The following PLA2G6 variants were observed in gnomAD, a reference collection of about 807,000 sequenced individuals.
PLA2G6 encodes the protein phospholipase A2 group VI.
PLA2G6 carries 62 observed loss-of-function variants against 83.8 expected under a neutral mutation model. The observed-to-expected ratio is 0.74, with a 90% CI of 0.60 to 0.91. PLA2G6 has a LOEUF of 0.91. Among genes scored for constraint, PLA2G6 ranks in the 40% least tolerant of loss-of-function variants. The pLI, the probability that PLA2G6 is intolerant of heterozygous loss-of-function variation, is 0.00. For missense variants in PLA2G6, 944 were observed against 1,102.0 expected, an observed-to-expected ratio of 0.86 and a Z score of 2.03; for synonymous variants, 417 against 449.8, an observed-to-expected ratio of 0.93 and a Z score of 0.92.
rs1406075748 is a variant in PLA2G6 at position 38,143,090 on chromosome 22, C to A, written c.609+15G>T. The stretch of plus-strand genomic sequence containing the variant: ...AGGTATCAGTACCAGTCACCCTGCC[C>A]CTCCCCCTGCTCACCTGCAGCACCT... On this transcript the variant is annotated intron_variant, in intron 4 of 16. Coordinates refer to ENST00000332509, the MANE Select transcript of PLA2G6 (RefSeq NM_003560.4). 1 of 1,613,410 alleles carries A rather than the reference C, an allele frequency of 6.2e-7. No homozygotes were observed. The highest frequency in any genetic ancestry group is 8.5e-7 in the Non-Finnish European group (1 of 1,179,384).
At chr22:38,169,494 G>T (rs1386065156) in intron 1 of PLA2G6, 23 bp from the exon 2 acceptor site, 3 of 1,389,494 alleles carry the variant, frequency 2.2e-6, no homozygotes, top group Non-Finnish European at 2.0e-6. Context: ...GAGGTCTCTG[G>T]TCAGCCAGGC....
intron 2 of PLA2G6, chr22:38,148,735 C>T (rs1255119204): frequency 3.8e-6 from 2 of 531,722 alleles, no homozygotes; most frequent in African/African-American, 2.0e-5. Flanking sequence ...TCACAGAGAC[C>T]ACAGTTCAGC....
chr22:38,132,696 G>T lies in PLA2G6; in HGVS notation c.1077+135C>A. On this transcript the variant is annotated intron_variant, in intron 7 of 16. Coordinates refer to ENST00000332509, the MANE Select transcript of PLA2G6 (RefSeq NM_003560.4). This position sits in a 1 kb window ranked among gnomAD's most constrained non-coding sequence, Gnocchi z 5.0. ...TGAGGGAGGAGTCAGGGTCTGAACT[G>T]AGCTTTGGGTGGGAAGATGATTTGG... 1 of 833,454 alleles carries T rather than the reference G, an allele frequency of 1.2e-6. No homozygotes were observed. Among genetic ancestry groups the T allele is most frequent in the Non-Finnish European group, 1.9e-6 (1 of 528,080 alleles). The allele number at this position is 833,454 out of a possible 1,614,324, so 51.6% of individuals were successfully genotyped here. A position where few individuals can be genotyped will look rare whatever the true frequency, so the allele number is the denominator to read the frequency against.
intron 5 of PLA2G6, chr22:38,137,342 C>T (rs2088619197): frequency 6.6e-6 from 1 of 152,524 alleles, no homozygotes; most frequent in African/African-American, 2.4e-5. Context: ...GGCTCGGGCT[C>T]TGCTGCCCCC....
At chr22:38,178,181 C>T (rs138190031) in intron 1 of PLA2G6, among the ~76,000 whole-genome samples, 261 of 152,210 alleles carry the variant, frequency 1.7e-3, no homozygotes, top group African/African-American at 5.6e-3. Context: ...GCTGGTGGCA[C>T]GGTACAGTGT....
Position 38,134,969 on chromosome 22 carries a change from C to CCCCCA in PLA2G6, c.894+18_894+19insTGGGG. 1.4e-6 allele frequency: 2 copies of CCCCCA among 1,415,002 alleles called. No homozygotes were observed. The highest frequency in any genetic ancestry group is 2.0e-6 in the Non-Finnish European group (2 of 1,001,078). The allele number at this position is 1,415,002 out of a possible 1,614,324, so 87.7% of individuals were successfully genotyped here. On this transcript the variant is annotated intron_variant, in intron 6 of 16. Coordinates refer to ENST00000332509, the MANE Select transcript of PLA2G6 (RefSeq NM_003560.4). ...GGCCCGGCCCCCTGCCCCACCCACC[C>CCCCCA]ACCTCAGGATCCACTCACCTCTGCG...
At chr22:38,118,027 C>A (rs1227320487) in intron 12 of PLA2G6, among the ~76,000 whole-genome samples, 6 of 138,310 alleles carry the variant, frequency 4.3e-5, no homozygotes, top group Admixed American at 2.3e-4. Context: ...TAGAGCAAGA[C>A]TCCATCTCAA....
chr22:38,159,589 G>A (rs1181156683), intron 2 of PLA2G6, among the ~76,000 whole-genome samples: 1 of 152,080 alleles, frequency 6.6e-6, no homozygotes, highest in Non-Finnish European at 1.5e-5. Context: ...AATTAGCCAG[G>A]TATGGTGGTG....
intron 1 of PLA2G6, chr22:38,180,291 G>A (rs981489206): frequency 1.3e-5 from 2 of 152,112 alleles, no homozygotes; most frequent in African/African-American, 4.8e-5. Context: ...GTAATCCACG[G>A]AAGGAACAAG....
intron 1 of PLA2G6, among the ~76,000 whole-genome samples, chr22:38,173,624 CAG>C (rs1231361997): frequency 1.3e-5 from 2 of 152,128 alleles, no homozygotes; most frequent in African/African-American, 4.8e-5. Context: ...GGAAGACTGA[CAG>C]AGAGTGTGCT....
At chr22:38,115,265 G>A (rs749255560) in intron 14 of PLA2G6, among the ~76,000 whole-genome samples, 9 of 152,160 alleles carry the variant, frequency 5.9e-5, no homozygotes, top group Non-Finnish European at 1.0e-4. Flanking sequence ...CGAGTGGCAC[G>A]TTCATGGTAT....
chr22:38,114,651 G>A (rs996396388), intron 14 of PLA2G6, among the ~76,000 whole-genome samples: 26 of 152,162 alleles, frequency 1.7e-4, no homozygotes, highest in Admixed American at 8.5e-4. Context: ...CAGGAAGCCC[G>A]CCCTGCCCGA....
At position 38,176,313 on chromosome 22, in the gene PLA2G6, C is replaced by T. The variant is rs117265405; in HGVS notation, c.-46+5351G>A. 2.9e-3 allele frequency among the ~76,000 whole-genome samples: 442 copies of T among 152,256 alleles called. 6 individuals carry two copies. The East Asian group carries it at 0.034, about 12-fold the overall frequency. On this transcript the variant is annotated intron_variant, in intron 1 of 16. Transcript: ENST00000332509. ...AGAGCAGAGGAGCCGGACAGCTGCC[C>T]GAGAGGTGCGTGACAGGAACCCACA...
At chr22:38,178,073 C>T (rs1021464878) in intron 1 of PLA2G6, among the ~76,000 whole-genome samples, 1 of 152,152 alleles carries the variant, frequency 6.6e-6, no homozygotes, top group Non-Finnish European at 1.5e-5. Context: ...CTTTCATTCA[C>T]TCCGCTTGGC....
In PLA2G6 at chr22:38,128,220, G is replaced by A. The variant is rs1461200076; in HGVS notation, c.1348+49C>T. The A allele has an allele frequency of 1.3e-6, 2 of 1,593,464 alleles. No individual in the cohort carries two copies. The highest frequency in any genetic ancestry group is 1.7e-6 in the Non-Finnish European group (2 of 1,163,096). ...CTTTGGTGGGGCCTGCTGTGATCCA[G>A]GGGCCTGGGAACCAGCTGGAGAAGA... On this transcript the variant is annotated intron_variant, in intron 9 of 16. Coordinates refer to ENST00000332509, the MANE Select transcript of PLA2G6 (RefSeq NM_003560.4). The surrounding 1 kb of genome is among the most constrained non-coding windows in gnomAD (Gnocchi z 4.4).
At chr22:38,112,888 CCTCTCT>C (rs34550422) in intron 15 of PLA2G6, 147 of 453,096 alleles carry the variant, frequency 3.2e-4, no homozygotes, top group South Asian at 1.8e-3. Context: ...CTCCCTCCCT[CCTCTCT>C]CTCTCTCTCT....
At chr22:38,171,360 GT>G (rs928566233) in intron 1 of PLA2G6, among the ~76,000 whole-genome samples, 5 of 152,060 alleles carry the variant, frequency 3.3e-5, no homozygotes, top group Admixed American at 6.6e-5. Flanking sequence ...CCTTAAAAAT[GT>G]TTTTGTTGTT....
At chr22:38,161,908 A>G (rs1479889665) in intron 2 of PLA2G6, among the ~76,000 whole-genome samples, 2 of 152,146 alleles carry the variant, frequency 1.3e-5, no homozygotes, top group Non-Finnish European at 2.9e-5. Flanking sequence ...CGTGATTTCA[A>G]AGTGAGAGCA....
intron 3 of PLA2G6, chr22:38,143,698 C>A (rs1030876434): frequency 2.9e-5 from 10 of 349,150 alleles, no homozygotes; most frequent in Non-Finnish European, 5.6e-5. Context: ...TGAGACAGTG[C>A]TGTCCAAAAG....
Sources: gnomAD v4.1 joint callset for allele counts (sites outside exome capture counted in the v4.1 genomes callset) on GRCh38, gnomAD v4.1.1 for gene constraint, Gnocchi (gnomAD v3.1) non-coding constraint, MANE v1.5 for transcripts, NCBI Gene and HGNC (gene_info 2026-07-23, HGNC 2026-07-21) for gene names.